PPP2R2B: variants seen among roughly 807,000 people sequenced by gnomAD.
The protein encoded by PPP2R2B is protein phosphatase 2 regulatory subunit Bbeta, also known as serine/threonine-protein phosphatase 2A 55 kDa regulatory subunit B beta isoform.
PPP2R2B carries 5 observed loss-of-function variants against 46.0 expected under a neutral mutation model. The observed-to-expected ratio is 0.11, with a 90% CI of 0.06 to 0.23. The LOEUF (loss-of-function observed/expected upper bound fraction) is 0.23. Ranked by LOEUF, PPP2R2B falls within the 10% of genes least tolerant of loss-of-function variation. The pLI, the probability that PPP2R2B is intolerant of heterozygous loss-of-function variation, is 1.00. For synonymous variants in PPP2R2B, 215 were observed against 206.7 expected (o/e 1.04, Z -0.34); for missense variants, 367 against 575.0 (o/e 0.64, Z 3.70).
At chr5:146,866,431 C>T (rs1195012166) in intron 2 of PPP2R2B, among the ~76,000 whole-genome samples, 3 of 152,156 alleles carry the variant, frequency 2.0e-5, no homozygotes, top group Non-Finnish European at 4.4e-5. Context: ...GTTTTATCAT[C>T]AGCAAAGTAG....
At chr5:146,654,456 C>T (rs745373273) in intron 5 of PPP2R2B, among the ~76,000 whole-genome samples, 1 of 152,128 alleles carries the variant, frequency 6.6e-6, no homozygotes, top group East Asian at 1.9e-4. Flanking sequence ...CAATCTCATG[C>T]GGTTTAACCT....
At chr5:146,860,587 C>T (rs1353565206) in intron 2 of PPP2R2B, among the ~76,000 whole-genome samples, 1 of 152,212 alleles carries the variant, frequency 6.6e-6, no homozygotes, top group Non-Finnish European at 1.5e-5. Flanking sequence ...ATGCAGACCT[C>T]TCCAGTAGGT....
At chr5:147,009,983 A>G (rs1252082428) in intron 1 of PPP2R2B, among the ~76,000 whole-genome samples, 5 of 152,036 alleles carry the variant, frequency 3.3e-5, no homozygotes, top group Non-Finnish European at 5.9e-5. Flanking sequence ...TGACTATTAA[A>G]TGAGATGAGA....
Position 146,675,118 on chromosome 5 carries a change from C to A in PPP2R2B, c.447+16010G>T, listed in dbSNP as rs1421981095. Among the ~76,000 whole-genome samples the A allele has an allele frequency of 1.3e-5, 2 of 152,132 alleles. 1 individual carries two copies. Among genetic ancestry groups the A allele is most frequent in the African/African-American group, 4.8e-5 (2 of 41,424 alleles). On this transcript the variant is annotated intron_variant, in intron 5 of 9. Coordinates refer to ENST00000394411, the MANE Select transcript of PPP2R2B (RefSeq NM_181675.4). Reference sequence around the variant, plus strand: ...CTGGGATTACAGGCATGCGCCACCACACCCAGCTAATTTTTGTATTTTTAG... The same window carrying A: ...CTGGGATTACAGGCATGCGCCACCAAACCCAGCTAATTTTTGTATTTTTAG...
intron 5 of PPP2R2B, among the ~76,000 whole-genome samples, chr5:146,674,454 C>A (rs555070137): frequency 2.0e-5 from 3 of 152,148 alleles, no homozygotes; most frequent in Non-Finnish European, 2.9e-5. Flanking sequence ...CAATTTTGAA[C>A]AAACAATTAT....
intron 1 of PPP2R2B, among the ~76,000 whole-genome samples, chr5:147,003,358 G>A (rs1754279028): frequency 6.6e-6 from 1 of 152,030 alleles, no homozygotes; most frequent in Admixed American, 6.6e-5. Flanking sequence ...AGGGAGAGGG[G>A]AATTTGGCCC....
At chr5:147,052,491 A>T (rs1435043297) in intron 1 of PPP2R2B, among the ~76,000 whole-genome samples, 1 of 152,210 alleles carries the variant, frequency 6.6e-6, no homozygotes, top group Non-Finnish European at 1.5e-5. Context: ...TGAAGTAAGA[A>T]ACCCAGTTCT....
chr5:146,942,853 A>G (rs1764364635), intron 1 of PPP2R2B, among the ~76,000 whole-genome samples: 1 of 151,420 alleles, frequency 6.6e-6, no homozygotes, highest in Non-Finnish European at 1.5e-5. Context: ...GCTGGAATGC[A>G]GTGGCATGAT....
chr5:146,789,293 G>A (rs1056265465), intron 2 of PPP2R2B, among the ~76,000 whole-genome samples: 2 of 152,058 alleles, frequency 1.3e-5, no homozygotes, highest in African/African-American at 4.8e-5. Context: ...AAAAGATGTT[G>A]GGTATGTGAC....
chr5:147,045,384 C>T (rs1285615472), intron 1 of PPP2R2B, among the ~76,000 whole-genome samples: 1 of 152,108 alleles, frequency 6.6e-6, no homozygotes, highest in Non-Finnish European at 1.5e-5. Context: ...CCACAGAATT[C>T]AGGACTGTAA....
intron 6 of PPP2R2B, among the ~76,000 whole-genome samples, chr5:146,643,526 A>G (rs322498): frequency 0.13 from 19,409 of 152,196 alleles, 2,090 homozygotes; most frequent in African/African-American, 0.28. Context: ...GTTCCCACTC[A>G]TAAGTGGAAG....
intron 5 of PPP2R2B, 26 bp downstream of exon 5, chr5:146,691,102 T>C (rs1234482507): frequency 6.3e-7 from 1 of 1,593,600 alleles, no homozygotes; most frequent in East Asian, 2.2e-5. Context: ...CTGACTGTGG[T>C]GGCCAGGGCA....
rs149057328 is a variant in PPP2R2B, at chr5:146,701,690, C to T, written c.71-548G>A. Among the ~76,000 whole-genome samples the T allele has an allele frequency of 2.0e-3, 308 of 152,308 alleles. 8 individuals carry two copies. In the East Asian group the frequency reaches 0.056, roughly 28 times the overall value. On this transcript the variant is annotated intron_variant, in intron 2 of 9. Transcript: ENST00000394411. ...AACTGACGAATGCTCCAGCTTGGCCCGTGCCCCTTCTTTTTTTGTGAGCCC... is the reference window on the plus strand; with the variant it reads ...AACTGACGAATGCTCCAGCTTGGCCTGTGCCCCTTCTTTTTTTGTGAGCCC...
chr5:147,012,886 G>A (rs1052503659), intron 1 of PPP2R2B, among the ~76,000 whole-genome samples: 17 of 152,018 alleles, frequency 1.1e-4, no homozygotes, highest in Non-Finnish European at 1.8e-4. Context: ...GCAGTTGAGC[G>A]GTTTTGAGTG....
At chr5:147,014,230 G>GA (rs1338789649) in intron 1 of PPP2R2B, among the ~76,000 whole-genome samples, 2 of 142,744 alleles carry the variant, frequency 1.4e-5, no homozygotes, top group Non-Finnish European at 3.1e-5. Flanking sequence ...AGAAAGTCAG[G>GA]AAAAAACAGG....
At position 146,731,434 on chromosome 5, in the gene PPP2R2B, A is replaced by G. The variant is rs555917635; in HGVS notation, c.71-30292T>C. ...AATTATTTTGCAAGAGACCTTAACT[A>G]TACTGTACTATGAGTACTTTATGTG... On this transcript the variant is annotated intron_variant, in intron 2 of 9. Transcript: ENST00000394411. 1.3e-4 allele frequency among the ~76,000 whole-genome samples: 20 copies of G among 152,322 alleles called. 1 individual carries two copies. The South Asian group carries it at 3.7e-3, about 28-fold the overall frequency.
chr5:146,885,003 T>A (rs1413849583), intron 1 of PPP2R2B, among the ~76,000 whole-genome samples: 1 of 152,198 alleles, frequency 6.6e-6, no homozygotes, highest in African/African-American at 2.4e-5. Context: ...TTGCTTATAA[T>A]CATGAAAAAC....
At chr5:146,692,328 T>C (rs1164347867) in intron 4 of PPP2R2B, among the ~76,000 whole-genome samples, 6 of 152,148 alleles carry the variant, frequency 3.9e-5, no homozygotes, top group Non-Finnish European at 8.8e-5. Flanking sequence ...TTCTCACCTT[T>C]GTACTGCCCC....
At chr5:147,024,176 T>C (rs973606289) in intron 1 of PPP2R2B, among the ~76,000 whole-genome samples, 1 of 152,042 alleles carries the variant, frequency 6.6e-6, no homozygotes, top group Admixed American at 6.6e-5. Context: ...TCTATCTATC[T>C]ATCTATCTAT....
Sources: allele counts gnomAD v4.1 joint callset (sites outside exome capture counted in the v4.1 genomes callset), GRCh38; gene constraint gnomAD v4.1.1; transcripts MANE v1.5; gene names NCBI Gene and HGNC (gene_info 2026-07-23, HGNC 2026-07-21).